Variants in GRM7 observed in about 807,000 individuals in gnomAD.
GRM7 encodes the protein glutamate metabotropic receptor 7.
Under a neutral mutation model 84.5 loss-of-function variants are expected in GRM7, and 35 were observed. The ratio of observed to expected loss-of-function variants is 0.41; its 90% confidence interval spans 0.32 to 0.55. GRM7 has a LOEUF of 0.55. Ranked by LOEUF, GRM7 falls within the 20% of genes least tolerant of loss-of-function variation. The pLI, the probability that GRM7 is intolerant of heterozygous loss-of-function variation, is 0.19. For missense variants in GRM7, 1,003 were observed against 1,194.6 expected (o/e 0.84, Z 2.36); for synonymous variants, 487 against 455.1 (o/e 1.07, Z -0.89).
intron 5 of GRM7, among the ~76,000 whole-genome samples, chr3:7,450,351 C>G (rs1317515814): frequency 6.6e-6 from 1 of 152,072 alleles, no homozygotes; most frequent in Non-Finnish European, 1.5e-5. Context: ...AATGACACAA[C>G]CCTTTTAGAG....
chr3:7,238,996 C>CTTTTTTTTTTT (rs567509392), intron 2 of GRM7, among the ~76,000 whole-genome samples: 1 of 118,350 alleles, frequency 8.4e-6, no homozygotes, highest in African/African-American at 3.3e-5. Flanking sequence ...TTTCTTTTTT[C>CTTTTTTTTTTT]CTTTTTCTTT....
At chr3:7,550,577 CTGTGTGTGTG>C (rs369817211) in intron 7 of GRM7, among the ~76,000 whole-genome samples, 41 of 52,960 alleles carry the variant, frequency 7.7e-4, no homozygotes, top group South Asian at 4.3e-3. Flanking sequence ...CTCTCTCTCT[CTGTGTGTGTG>C]TGTGTGTGTG....
chr3:7,041,079 C>CAA (rs557674027), intron 1 of GRM7, among the ~76,000 whole-genome samples: 35 of 80,780 alleles, frequency 4.3e-4, no homozygotes, highest in Non-Finnish European at 5.6e-4. Context: ...GACCCTGTCT[C>CAA]AAAAAAAAAA....
At chr3:7,096,494 C>G (rs1426088397) in intron 1 of GRM7, among the ~76,000 whole-genome samples, 1 of 152,070 alleles carries the variant, frequency 6.6e-6, no homozygotes, top group Non-Finnish European at 1.5e-5. Context: ...CACAGAGCTT[C>G]CATGCCCTCT....
intron 4 of GRM7, among the ~76,000 whole-genome samples, chr3:7,326,076 C>T (rs1452211916): frequency 7.4e-6 from 1 of 135,548 alleles, no homozygotes; most frequent in Non-Finnish European, 1.6e-5. Context: ...ATGAACACTA[C>T]TTGATTCTTG....
intron 1 of GRM7, among the ~76,000 whole-genome samples, chr3:6,898,696 G>A (rs1168206482): frequency 6.6e-6 from 1 of 151,754 alleles, no homozygotes; most frequent in Non-Finnish European, 1.5e-5. Flanking sequence ...TTTTGGAGGG[G>A]TACCAGGTGT....
intron 1 of GRM7, among the ~76,000 whole-genome samples, chr3:7,027,932 C>T (rs184747469): frequency 7.2e-5 from 11 of 152,190 alleles, no homozygotes; most frequent in Admixed American, 5.9e-4. Context: ...CATATAAAAT[C>T]GCCAGGTACT....
chr3:7,082,623 T>G (rs535704216), intron 1 of GRM7, among the ~76,000 whole-genome samples: 87 of 152,244 alleles, frequency 5.7e-4, no homozygotes, highest in Admixed American at 1.0e-3. Flanking sequence ...CCATAGATAG[T>G]GCTTCCTTCA....
chr3:7,511,313 G>A (rs1700190506), intron 7 of GRM7, among the ~76,000 whole-genome samples: 1 of 152,144 alleles, frequency 6.6e-6, no homozygotes, highest in African/African-American at 2.4e-5. Flanking sequence ...GAACAGTGAT[G>A]CCAAGTTAAA....
At chr3:6,919,347 C>T (rs565794929) in intron 1 of GRM7, among the ~76,000 whole-genome samples, 297 of 150,282 alleles carry the variant, frequency 2.0e-3, no homozygotes, top group African/African-American at 7.0e-3. Context: ...TATAAGTGCC[C>T]ACCACCATGC....
chr3:6,998,202 A>C (rs958914938), intron 1 of GRM7, among the ~76,000 whole-genome samples: 2 of 150,398 alleles, frequency 1.3e-5, no homozygotes, highest in African/African-American at 4.9e-5. Context: ...ACCCATTCCA[A>C]ATGGGAGAAA....
intron 1 of GRM7, among the ~76,000 whole-genome samples, chr3:6,993,157 C>T (rs1694707507): frequency 6.6e-6 from 1 of 152,054 alleles, no homozygotes; most frequent in Non-Finnish European, 1.5e-5. Context: ...AGGAGAAGCC[C>T]CTTATAAAAG....
chr3:7,566,769 A>T (rs1575501032), intron 7 of GRM7, among the ~76,000 whole-genome samples: 2 of 152,142 alleles, frequency 1.3e-5, no homozygotes, highest in South Asian at 4.1e-4. Flanking sequence ...AATTCTGAAG[A>T]TTTCCCGTAA....
chr3:6,968,608 C>G (rs959181993), intron 1 of GRM7, among the ~76,000 whole-genome samples: 2 of 152,136 alleles, frequency 1.3e-5, no homozygotes, highest in African/African-American at 4.8e-5. Context: ...GTATCAGGAT[C>G]ATTATTTTAA....
chr3:7,658,363 C>A (rs1699291575), intron 8 of GRM7, among the ~76,000 whole-genome samples: 1 of 152,112 alleles, frequency 6.6e-6, no homozygotes, highest in Non-Finnish European at 1.5e-5. Flanking sequence ...AAACTTGAAC[C>A]ATTTAGTTTT....
At chr3:7,240,741 G>T (rs1697528371) in intron 2 of GRM7, among the ~76,000 whole-genome samples, 1 of 152,100 alleles carries the variant, frequency 6.6e-6, no homozygotes, top group Non-Finnish European at 1.5e-5. Context: ...TTTTAGCATA[G>T]TGCCTGGCAC....
At chr3:7,470,868 A>G (rs1698673929) in intron 7 of GRM7, among the ~76,000 whole-genome samples, 1 of 152,096 alleles carries the variant, frequency 6.6e-6, no homozygotes, top group Non-Finnish European at 1.5e-5. Context: ...TGGGAAGCCA[A>G]AAAATTCTAG....
intron 8 of GRM7, among the ~76,000 whole-genome samples, chr3:7,620,528 C>T (rs549954627): frequency 8.5e-5 from 13 of 152,130 alleles, no homozygotes; most frequent in Admixed American, 7.9e-4. Context: ...AACAGCAGTC[C>T]TCATTTTATA....
At chr3:7,583,690 C>T (rs775588428) in intron 8 of GRM7, among the ~76,000 whole-genome samples, 6 of 152,278 alleles carry the variant, frequency 3.9e-5, no homozygotes, top group South Asian at 2.1e-4. Flanking sequence ...TTGTTGGTTT[C>T]GTCTCCAATT....
Sources: gnomAD v4.1 joint callset for allele counts (sites outside exome capture counted in the v4.1 genomes callset) on GRCh38, gnomAD v4.1.1 for gene constraint, MANE v1.5 for transcripts, NCBI Gene and HGNC (gene_info 2026-07-23, HGNC 2026-07-21) for gene names.